Variants in CADPS observed in about 807,000 individuals in gnomAD.
The protein encoded by CADPS is calcium dependent secretion activator.
In CADPS, 57 loss-of-function variants were observed where a neutral mutation model predicts 167.3. That is an observed-to-expected ratio of 0.34 (90% CI 0.28 to 0.42). CADPS has a LOEUF of 0.42. Among genes scored for constraint, CADPS ranks in the 20% least tolerant of loss-of-function variants. The probability of loss-of-function intolerance (pLI) is 1.00; values close to 1 mark genes in which losing one functional copy is unlikely to be tolerated. For missense variants in CADPS, 1,414 were observed against 1,738.1 expected (o/e 0.81, Z 3.32); for synonymous variants, 676 against 635.3 (o/e 1.06, Z -0.96).
chr3:62,725,486 C>G (rs1029730252), intron 3 of CADPS, among the ~76,000 whole-genome samples: 3 of 152,228 alleles, frequency 2.0e-5, no homozygotes, highest in African/African-American at 7.2e-5. Flanking sequence ...GGGTTTGAAC[C>G]CTGGCTCTTG....
intron 3 of CADPS, among the ~76,000 whole-genome samples, chr3:62,732,201 C>T (rs929772347): frequency 6.6e-6 from 1 of 152,152 alleles, no homozygotes; most frequent in Admixed American, 6.5e-5. Flanking sequence ...TAGTGACTTG[C>T]TCCTAACAAA....
At position 62,502,254 on chromosome 3, in the gene CADPS, T is replaced by G. The variant is rs71296775; in HGVS notation, c.2600-2986A>C. 4.6e-3 allele frequency among the ~76,000 whole-genome samples: 707 copies of G among 152,214 alleles called. 4 individuals carry two copies. Among genetic ancestry groups the G allele is most frequent in the Non-Finnish European group, 8.5e-3 (577 of 68,004 alleles). ...AATATTGTGCAAAATCCTTTAGCAC[T>G]TCTTCCCTCTCCCCAACAGAGGTCA... On this transcript the variant is annotated intron_variant, in intron 17 of 29. Coordinates refer to ENST00000383710, the MANE Select transcript of CADPS (RefSeq NM_003716.4).
chr3:62,859,373 C>A (rs1470150970), intron 1 of CADPS, among the ~76,000 whole-genome samples: 1 of 152,128 alleles, frequency 6.6e-6, no homozygotes, highest in East Asian at 1.9e-4. Flanking sequence ...ACATTACGCC[C>A]CTCTTTAAGA....
At position 62,875,160 on chromosome 3, in the gene CADPS, CT is replaced by C; in HGVS notation, c.-132del. On this transcript the variant is annotated 5_prime_UTR_variant, in exon 1 of 30. Coordinates refer to ENST00000383710, the MANE Select transcript of CADPS (RefSeq NM_003716.4). Reference sequence around the variant, plus strand: ...CCCAGGTCAGGGAGCGAGAGCGCTGCTGCTCAGCCTCGGCCGCCGCGACTGA... The same window carrying C: ...CCCAGGTCAGGGAGCGAGAGCGCTGCGCTCAGCCTCGGCCGCCGCGACTGA... The C allele has an allele frequency of 2.5e-6, 3 of 1,199,648 alleles. No homozygotes were observed. The highest frequency in any genetic ancestry group is 3.2e-6 in the Non-Finnish European group (3 of 942,860). The allele number at this position is 1,199,648 out of a possible 1,614,324, so 74.3% of individuals were successfully genotyped here.
chr3:62,750,829 TATTGCTGTTCTATTGGATAAAGAAA>T (rs1290951691), intron 3 of CADPS, among the ~76,000 whole-genome samples: 4 of 152,230 alleles, frequency 2.6e-5, no homozygotes, highest in Admixed American at 2.6e-4. Context: ...ACAACTCTTT[TATTGCTGTTCTATTGGATAAAGAAA>T]ATTCCCTTGT....
intron 8 of CADPS, among the ~76,000 whole-genome samples, chr3:62,583,337 A>G (rs1176751895): frequency 6.6e-6 from 1 of 152,208 alleles, no homozygotes; most frequent in Non-Finnish European, 1.5e-5. Flanking sequence ...TCTTGAAAGT[A>G]GGATGTTCAT....
At chr3:62,480,904 A>T (rs2061927451) in intron 22 of CADPS, among the ~76,000 whole-genome samples, 1 of 152,168 alleles carries the variant, frequency 6.6e-6, no homozygotes, top group Admixed American at 6.5e-5. Flanking sequence ...GAGAAGATTC[A>T]TTTTTGAAGC....
Position 62,745,703 on chromosome 3 carries a change from G to GA in CADPS, c.888+7737dup, listed in dbSNP as rs997966931. Among the ~76,000 whole-genome samples the GA allele has an allele frequency of 4.3e-4, 66 of 152,226 alleles. 1 individual carries two copies. Among genetic ancestry groups the GA allele is most frequent in the Non-Finnish European group, 7.9e-4 (54 of 67,992 alleles). On this transcript the variant is annotated intron_variant, in intron 3 of 29. Transcript: ENST00000383710. The stretch of plus-strand genomic sequence containing the variant: ...GACACTGCTGCACTTTGTTGAACCA[G>GA]AAAAAAATGACCAAACATGCACCTT...
chr3:62,624,916 C>T (rs1266032940), intron 6 of CADPS, among the ~76,000 whole-genome samples: 1 of 152,050 alleles, frequency 6.6e-6, no homozygotes, highest in Non-Finnish European at 1.5e-5. Flanking sequence ...GGTATGAGCA[C>T]CTGACCCAGG....
chr3:62,486,968 T>A (rs2062920620), intron 21 of CADPS, among the ~76,000 whole-genome samples: 1 of 152,078 alleles, frequency 6.6e-6, no homozygotes, highest in Non-Finnish European at 1.5e-5. Context: ...TGGAAATGAG[T>A]GGTAACTCCA....
At chr3:62,564,744 C>A (rs2079821876) in intron 9 of CADPS, among the ~76,000 whole-genome samples, 1 of 151,694 alleles carries the variant, frequency 6.6e-6, no homozygotes, top group African/African-American at 2.4e-5. Context: ...GCAGCTAGGA[C>A]TACAGGCACA....
At chr3:62,519,587 T>G (rs1304616490) in intron 13 of CADPS, among the ~76,000 whole-genome samples, 1 of 152,130 alleles carries the variant, frequency 6.6e-6, no homozygotes, top group Non-Finnish European at 1.5e-5. Flanking sequence ...CTTCAAATTC[T>G]CTGGTAAATC....
intron 6 of CADPS, among the ~76,000 whole-genome samples, chr3:62,624,572 A>G (rs1000563447): frequency 1.3e-5 from 2 of 151,966 alleles, no homozygotes; most frequent in African/African-American, 4.8e-5. Context: ...TCTGGTTAAG[A>G]GATTAAGTTG....
chr3:62,686,886 G>A (rs1340842614), intron 3 of CADPS, among the ~76,000 whole-genome samples: 1 of 152,070 alleles, frequency 6.6e-6, no homozygotes, highest in African/African-American at 2.4e-5. Context: ...TAAGCCATCA[G>A]GGACTAGAGA....
rs1007784842 is a variant in CADPS at position 62,399,988 on chromosome 3, T to C, written c.3883-403A>G. Among the ~76,000 whole-genome samples, 6 of 152,358 alleles carry C rather than the reference T, an allele frequency of 3.9e-5. 1 individual carries two copies. On this transcript the variant is annotated intron_variant, in intron 29 of 29. Coordinates refer to ENST00000383710, the MANE Select transcript of CADPS (RefSeq NM_003716.4). This position sits in a 1 kb window ranked among gnomAD's most constrained non-coding sequence, Gnocchi z 5.6. ...TAATGGATTGAGTGATTATGGTATTTTGTGATTTCTGTTGCAGTCTTGTTT... is the reference window on the plus strand; with the variant it reads ...TAATGGATTGAGTGATTATGGTATTCTGTGATTTCTGTTGCAGTCTTGTTT...
chr3:62,799,008 C>T (rs1363714906), intron 1 of CADPS, among the ~76,000 whole-genome samples: 4 of 152,092 alleles, frequency 2.6e-5, no homozygotes, highest in African/African-American at 9.7e-5. Flanking sequence ...CTAGTATTAC[C>T]CTATAGAGCT....
At chr3:62,632,668 C>A (rs183898590) in intron 6 of CADPS, among the ~76,000 whole-genome samples, 1 of 152,052 alleles carries the variant, frequency 6.6e-6, no homozygotes, top group African/African-American at 2.4e-5. Flanking sequence ...AATAGTTTCC[C>A]GTTAATAATA....
intron 1 of CADPS, among the ~76,000 whole-genome samples, chr3:62,845,181 A>T (rs1008752496): frequency 6.6e-6 from 1 of 152,146 alleles, no homozygotes. Flanking sequence ...AGGTTGGCCA[A>T]TTTTAGGTCA....
intron 1 of CADPS, among the ~76,000 whole-genome samples, chr3:62,815,046 G>A (rs2094551445): frequency 6.6e-6 from 1 of 152,098 alleles, no homozygotes; most frequent in Admixed American, 6.6e-5. Flanking sequence ...CATGTATATA[G>A]TTTTGTAAAA....
Sources: gnomAD v4.1 joint callset for allele counts (sites outside exome capture counted in the v4.1 genomes callset) on GRCh38, gnomAD v4.1.1 for gene constraint, Gnocchi (gnomAD v3.1) non-coding constraint, MANE v1.5 for transcripts, NCBI Gene and HGNC (gene_info 2026-07-23, HGNC 2026-07-21) for gene names.